The following NMNAT3 variants were observed in gnomAD, a reference collection of about 807,000 sequenced individuals.
The protein encoded by NMNAT3 is nicotinamide nucleotide adenylyltransferase 3, also known as nicotinamide/nicotinic acid mononucleotide adenylyltransferase 3.
NMNAT3 carries 21 observed loss-of-function variants against 24.8 expected under a neutral mutation model. The ratio of observed to expected loss-of-function variants is 0.85; its 90% CI spans 0.60 to 1.22. NMNAT3 has a LOEUF of 1.22. Among genes scored for constraint, NMNAT3 ranks in the 50% most tolerant of loss-of-function variants. The pLI is 0.00. For synonymous variants in NMNAT3, 136 were observed against 155.2 expected, an observed-to-expected ratio of 0.88 and a Z score of 0.92; for missense variants, 387 against 436.6, an observed-to-expected ratio of 0.89 and a Z score of 1.01.
intron 3 of NMNAT3, among the ~76,000 whole-genome samples, chr3:139,613,574 T>C (rs1396536749): frequency 1.3e-5 from 2 of 152,196 alleles, no homozygotes; most frequent in Non-Finnish European, 2.9e-5. Flanking sequence ...GAAGTCAGTG[T>C]GGTGATTCCT....
intron 1 of NMNAT3, among the ~76,000 whole-genome samples, chr3:139,638,547 C>A (rs1446703339): frequency 1.3e-5 from 2 of 152,194 alleles, no homozygotes; most frequent in African/African-American, 4.8e-5. Context: ...GCCCAAATCA[C>A]AAAACTGGCA....
At chr3:139,598,948 C>T (rs1169888510) in intron 3 of NMNAT3, among the ~76,000 whole-genome samples, 2 of 152,058 alleles carry the variant, frequency 1.3e-5, no homozygotes, top group Non-Finnish European at 2.9e-5. Context: ...AGCTCCACCT[C>T]CATCTATGTG....
At chr3:139,656,675 C>T (rs2057254753) in intron 1 of NMNAT3, among the ~76,000 whole-genome samples, 1 of 152,028 alleles carries the variant, frequency 6.6e-6, no homozygotes, top group African/African-American at 2.4e-5. Flanking sequence ...GCTTGTAGTC[C>T]CAGCTAGTTG....
At chr3:139,562,901 C>T (rs1444597612) in intron 6 of NMNAT3, among the ~76,000 whole-genome samples, 1 of 152,202 alleles carries the variant, frequency 6.6e-6, no homozygotes, top group Non-Finnish European at 1.5e-5. Flanking sequence ...TCAAACATTC[C>T]TTCATTCATG....
intron 1 of NMNAT3, among the ~76,000 whole-genome samples, chr3:139,648,617 G>A (rs2056950100): frequency 6.6e-6 from 1 of 152,156 alleles, no homozygotes; most frequent in Admixed American, 6.6e-5. Flanking sequence ...TACATGTGTT[G>A]GAGAAACATA....
chr3:139,615,493 A>G (rs1421490777), intron 3 of NMNAT3, among the ~76,000 whole-genome samples: 1 of 151,788 alleles, frequency 6.6e-6, no homozygotes, highest in African/African-American at 2.4e-5. Flanking sequence ...CCATTTATCC[A>G]TCTACCCACC....
chr3:139,594,208 C>G (rs1307282102), intron 3 of NMNAT3, among the ~76,000 whole-genome samples: 1 of 152,160 alleles, frequency 6.6e-6, no homozygotes, highest in Non-Finnish European at 1.5e-5. Context: ...ACTAGAAAAT[C>G]TAGAAGAAAT....
chr3:139,661,942 A>G (rs984444115), intron 1 of NMNAT3, among the ~76,000 whole-genome samples: 1 of 152,180 alleles, frequency 6.6e-6, no homozygotes, highest in African/African-American at 2.4e-5. Flanking sequence ...CTAATCCAAC[A>G]TCAGTGTATT....
At chr3:139,596,659 G>GA (rs1454922097) in intron 3 of NMNAT3, among the ~76,000 whole-genome samples, 2 of 151,692 alleles carry the variant, frequency 1.3e-5, no homozygotes, top group East Asian at 3.9e-4. Context: ...AGAGCCTCTG[G>GA]ATACTTTTCT....
intron 2 of NMNAT3, among the ~76,000 whole-genome samples, chr3:139,629,534 A>G (rs1338824885): frequency 2.0e-5 from 3 of 152,178 alleles, no homozygotes; most frequent in African/African-American, 4.8e-5. Context: ...ACAGAAACCA[A>G]TGGGAGGAAT....
At chr3:139,617,921 G>A (rs2055584889) in intron 3 of NMNAT3, among the ~76,000 whole-genome samples, 1 of 152,178 alleles carries the variant, frequency 6.6e-6, no homozygotes, top group Non-Finnish European at 1.5e-5. Flanking sequence ...CTACTGACTA[G>A]TCATATGTTG....
intron 3 of NMNAT3, among the ~76,000 whole-genome samples, chr3:139,625,033 G>A (rs1457883310): frequency 1.3e-5 from 2 of 152,094 alleles, no homozygotes; most frequent in African/African-American, 4.8e-5. Flanking sequence ...ATATTACTAA[G>A]TGCAAAAAGC....
chr3:139,663,447 A>G (rs1289430362), intron 1 of NMNAT3, among the ~76,000 whole-genome samples: 22 of 152,200 alleles, frequency 1.4e-4, no homozygotes, highest in Non-Finnish European at 4.4e-5. Context: ...TTGGAAGGCC[A>G]TTATTCTGCC....
At chr3:139,605,143 C>A (rs1353233780) in intron 3 of NMNAT3, among the ~76,000 whole-genome samples, 1 of 152,112 alleles carries the variant, frequency 6.6e-6, no homozygotes, top group African/African-American at 2.4e-5. Flanking sequence ...ATAGCAAGAC[C>A]CACTGGAGGC....
rs1335715380 is a variant in NMNAT3 at position 139,583,435 on chromosome 3, A to C, written c.110-227T>G. 8.1e-6 allele frequency: 13 copies of C among 1,596,006 alleles called. 1 individual carries two copies. In the East Asian group the frequency reaches 2.9e-4, roughly 36 times the overall value. On this transcript the variant is annotated intron_variant, in intron 3 of 6. Coordinates refer to ENST00000643695, the MANE Select transcript of NMNAT3 (RefSeq NM_001320510.2). The stretch of plus-strand genomic sequence containing the variant: ...CACATTTGAGACATTTTGATCTCCC[A>C]CTTTGCTGAGCTTTTTGAAGAACTT...
chr3:139,593,668 C>G (rs1169882146), intron 3 of NMNAT3, among the ~76,000 whole-genome samples: 7 of 149,376 alleles, frequency 4.7e-5, no homozygotes, highest in African/African-American at 1.7e-4. Context: ...CACTCAAAAC[C>G]GCTCAACTAC....
intron 3 of NMNAT3, among the ~76,000 whole-genome samples, chr3:139,606,704 C>T (rs915134973): frequency 2.6e-5 from 4 of 152,170 alleles, no homozygotes; most frequent in African/African-American, 4.8e-5. Flanking sequence ...ATTCTTTCTA[C>T]AATATTAATT....
At chr3:139,603,831 C>T (rs540948579) in intron 3 of NMNAT3, among the ~76,000 whole-genome samples, 2 of 152,208 alleles carry the variant, frequency 1.3e-5, no homozygotes, top group African/African-American at 2.4e-5. Flanking sequence ...AAGCAGCCAC[C>T]ACCACTGCAC....
intron 3 of NMNAT3, among the ~76,000 whole-genome samples, chr3:139,594,272 A>G (rs2054338769): frequency 6.6e-6 from 1 of 152,234 alleles, no homozygotes; most frequent in African/African-American, 2.4e-5. Context: ...GAAGAAGTTG[A>G]ATCTCTGAAT....
Sources: allele counts gnomAD v4.1 joint callset (sites outside exome capture counted in the v4.1 genomes callset), GRCh38; gene constraint gnomAD v4.1.1; transcripts MANE v1.5; gene names NCBI Gene and HGNC (gene_info 2026-07-23, HGNC 2026-07-21).